Variants in LRRC7 observed in about 807,000 individuals in gnomAD.
LRRC7 encodes the protein leucine-rich repeat-containing protein 7.
LRRC7 carries 23 observed loss-of-function variants against 175.7 expected under a neutral mutation model. The observed-to-expected ratio is 0.13, with a 90% CI of 0.09 to 0.19. LRRC7 has a LOEUF of 0.19. Ranked by LOEUF, LRRC7 falls within the 10% of genes least tolerant of loss-of-function variation. The probability of loss-of-function intolerance (pLI) is 1.00; values close to 1 mark genes in which losing one functional copy is unlikely to be tolerated. For missense variants in LRRC7, 1,354 were observed against 1,904.7 expected, an observed-to-expected ratio of 0.71 and a Z score of 5.38; for synonymous variants, 685 against 680.9, an observed-to-expected ratio of 1.01 and a Z score of -0.09.
chr1:69,804,704 G>A (rs1029890207), intron 4 of LRRC7, among the ~76,000 whole-genome samples: 2 of 151,404 alleles, frequency 1.3e-5, no homozygotes. Context: ...AGCTTTCTAT[G>A]CCAATGAATT....
intron 1 of LRRC7, among the ~76,000 whole-genome samples, chr1:69,673,825 T>G (rs1477477949): frequency 6.6e-6 from 1 of 152,184 alleles, no homozygotes; most frequent in African/African-American, 2.4e-5. Flanking sequence ...TTCATGTAAT[T>G]TATAGTGAAT....
At chr1:69,860,564 A>T (rs1489774127) in intron 7 of LRRC7, among the ~76,000 whole-genome samples, 1 of 152,012 alleles carries the variant, frequency 6.6e-6, no homozygotes, top group Non-Finnish European at 1.5e-5. Flanking sequence ...CCTAATATAT[A>T]CTAGAATGAA....
At chr1:69,930,324 C>T (rs12756253) in intron 7 of LRRC7, among the ~76,000 whole-genome samples, 54,915 of 151,876 alleles carry the variant, frequency 0.36, 12,153 homozygotes, top group East Asian at 0.55. Flanking sequence ...TGATAGCATC[C>T]GGATTGCAGT....
intron 24 of LRRC7, among the ~76,000 whole-genome samples, chr1:70,083,698 T>G (rs901762264): frequency 2.1e-4 from 32 of 152,300 alleles, no homozygotes; most frequent in Admixed American, 1.4e-3. Flanking sequence ...GAAAACCACT[T>G]CCTGCTGCTA....
chr1:70,119,673 G>A (rs1465378579), intron 26 of LRRC7, among the ~76,000 whole-genome samples: 2 of 152,096 alleles, frequency 1.3e-5, no homozygotes, highest in African/African-American at 2.4e-5. Context: ...TTTTAACATT[G>A]ATACGATGTC....
Position 70,094,764 on chromosome 1 carries a change from G to A in LRRC7, c.4545+4945G>A, listed in dbSNP as rs535900766. 2.2e-4 allele frequency among the ~76,000 whole-genome samples: 34 copies of A among 152,204 alleles called. No homozygotes were observed. In the South Asian group the frequency reaches 4.1e-3, roughly 19 times the overall value. The stretch of plus-strand genomic sequence containing the variant: ...ATAACAATACTCAGAGGCATGCGGG[G>A]CAACGGCAAGTTCAAAAATGCACAA... On this transcript the variant is annotated intron_variant, in intron 25 of 26. Transcript: ENST00000651989.
intron 7 of LRRC7, among the ~76,000 whole-genome samples, chr1:69,897,025 T>C (rs1645999254): frequency 6.6e-6 from 1 of 152,176 alleles, no homozygotes; most frequent in African/African-American, 2.4e-5. Context: ...TTTAGCATCA[T>C]TTTTCCAATG....
At chr1:69,615,838 T>C (rs933443748) in intron 1 of LRRC7, among the ~76,000 whole-genome samples, 1 of 151,998 alleles carries the variant, frequency 6.6e-6, no homozygotes, top group Admixed American at 6.6e-5. Context: ...ACGAATCACA[T>C]ACTGAATTGG....
Position 70,037,775 on chromosome 1 carries a change from A to G in LRRC7, c.2289-338A>G, listed in dbSNP as rs535362304. Among the ~76,000 whole-genome samples the G allele has an allele frequency of 2.6e-5, 4 of 152,296 alleles. No individual in the cohort carries two copies. The South Asian group carries it at 8.3e-4, about 32-fold the overall frequency. ...AACAAATGTGTATTTAATACCTACT[A>G]TGTGCCAGGCATTAGTCTAGGCCTG... On this transcript the variant is annotated intron_variant, in intron 20 of 26. Transcript: ENST00000651989.
chr1:70,056,567 G>A (rs557857568), intron 23 of LRRC7, among the ~76,000 whole-genome samples: 11 of 152,168 alleles, frequency 7.2e-5, no homozygotes, highest in African/African-American at 1.4e-4. Context: ...TACCAATGGC[G>A]ATTGGTAATA....
At chr1:69,682,483 T>G (rs972606315) in intron 2 of LRRC7, among the ~76,000 whole-genome samples, 5 of 152,154 alleles carry the variant, frequency 3.3e-5, no homozygotes, top group African/African-American at 4.8e-5. Flanking sequence ...TACTTGATTT[T>G]TTAGCAGGAA....
At chr1:69,989,396 A>G (rs1286068258) in intron 10 of LRRC7, among the ~76,000 whole-genome samples, 1 of 152,184 alleles carries the variant, frequency 6.6e-6, no homozygotes, top group Non-Finnish European at 1.5e-5. Context: ...GTTTTCAAAA[A>G]TAAATTTTGA....
intron 8 of LRRC7, among the ~76,000 whole-genome samples, chr1:69,974,797 A>G (rs1237965367): frequency 6.6e-6 from 1 of 152,186 alleles, no homozygotes; most frequent in Admixed American, 6.5e-5. Context: ...TAATAAAAAT[A>G]TCTTTTTTTA....
chr1:69,818,117 C>T (rs779837831), intron 4 of LRRC7, among the ~76,000 whole-genome samples: 1 of 152,050 alleles, frequency 6.6e-6, no homozygotes, highest in Non-Finnish European at 1.5e-5. Context: ...TTTTTCTTGC[C>T]TAACCCTCTG....
At chr1:70,017,635 TA>T (rs1657082398) in intron 14 of LRRC7, among the ~76,000 whole-genome samples, 1 of 152,196 alleles carries the variant, frequency 6.6e-6, no homozygotes, top group Non-Finnish European at 1.5e-5. Context: ...GAATTGTTCA[TA>T]TTTACAGTCA....
At chr1:69,622,021 C>G (rs867420487) in intron 1 of LRRC7, among the ~76,000 whole-genome samples, 1 of 152,146 alleles carries the variant, frequency 6.6e-6, no homozygotes. Flanking sequence ...TTTACCTTAT[C>G]TCTATTTGCA....
At chr1:69,661,153 T>G (rs1444764956) in intron 1 of LRRC7, among the ~76,000 whole-genome samples, 1 of 150,952 alleles carries the variant, frequency 6.6e-6, no homozygotes, top group African/African-American at 2.4e-5. Context: ...CTCCACAAAG[T>G]TTTAGAAAAA....
intron 7 of LRRC7, among the ~76,000 whole-genome samples, chr1:69,913,136 T>A (rs939768162): frequency 1.3e-5 from 2 of 152,214 alleles, no homozygotes; most frequent in African/African-American, 4.8e-5. Flanking sequence ...ATTTTCAATG[T>A]TTATCCTAAT....
chr1:70,129,290 A>G lies in LRRC7; in HGVS notation c.*7403A>G, dbSNP rs538696197. 6.6e-6 allele frequency among the ~76,000 whole-genome samples: 1 copy of G among 152,168 alleles called. No homozygotes were observed. The highest frequency in any genetic ancestry group is 1.9e-4 in the East Asian group (1 of 5,168). On this transcript the variant is annotated 3_prime_UTR_variant, in exon 27 of 27. Transcript: ENST00000651989. ...GTCACGAAAAGTGTGAGCTAGATGA[A>G]TATTTGCCAGGATTTAGGGCAACAT...
Sources: allele counts gnomAD v4.1 joint callset (sites outside exome capture counted in the v4.1 genomes callset), GRCh38; gene constraint gnomAD v4.1.1; transcripts MANE v1.5; gene names NCBI Gene and HGNC (gene_info 2026-07-23, HGNC 2026-07-21).